Variants in KIF2C observed in about 807,000 individuals in gnomAD.
KIF2C encodes kinesin family member 2C, also known as kinesin-like protein KIF2C.
Under a neutral mutation model 97.4 loss-of-function variants are expected in KIF2C, and 34 were observed. That is an observed-to-expected ratio of 0.35 (90% CI 0.27 to 0.46). The LOEUF (loss-of-function observed/expected upper bound fraction) is 0.46, where lower values mean the gene tolerates loss of function less well. KIF2C is among the 20% of genes least tolerant of loss of function. The pLI is 1.00. For synonymous variants in KIF2C, 313 were observed against 318.2 expected, an observed-to-expected ratio of 0.98 and a Z score of 0.17; for missense variants, 750 against 907.6, an observed-to-expected ratio of 0.83 and a Z score of 2.23.
Position 44,762,368 on chromosome 1 carries a change from A to G in KIF2C, c.1774A>G (p.Ser592Gly), listed in dbSNP as rs753251790. Reference sequence around the variant, plus strand: ...CAGGGTCAAGGAGCTGAGCCCCCACAGTGGGCCCAGTGGAGAGCAGTTGAT... The same window carrying G: ...CAGGGTCAAGGAGCTGAGCCCCCACGGTGGGCCCAGTGGAGAGCAGTTGAT... ...ADRVKELSPH[S>G]GPSGEQLIQM... Residue 592 changes from serine to glycine, a missense_variant, in exon 18 of 21, where the codon AGT (serine) becomes GGT (glycine). Ser to Gly is a moderately conservative substitution (Grantham distance 56). Coordinates refer to ENST00000372224, the MANE Select transcript of KIF2C (RefSeq NM_006845.4). 3 of 1,613,886 alleles carry G rather than the reference A, an allele frequency of 1.9e-6. No individual in the cohort carries two copies. The highest frequency in any genetic ancestry group is 1.7e-6 in the Non-Finnish European group (2 of 1,179,776).
intron 2 of KIF2C, chr1:44,746,435 C>G (rs1450669342): frequency 8.7e-7 from 1 of 1,150,424 alleles, no homozygotes; most frequent in Admixed American, 4.7e-5. Context: ...GTTTCTGGGC[C>G]CAGAAGAAAA....
At chr1:44,754,276 G>A (rs1649697791) in intron 7 of KIF2C, among the ~76,000 whole-genome samples, 1 of 152,040 alleles carries the variant, frequency 6.6e-6, no homozygotes, top group Admixed American at 6.6e-5. Flanking sequence ...AGGATTCAGA[G>A]AACAAATAAT....
intron 13 of KIF2C, chr1:44,758,968 G>C (rs1320784391): frequency 3.8e-6 from 2 of 527,868 alleles, no homozygotes; most frequent in South Asian, 2.1e-5. Context: ...GGCTAGAGTG[G>C]TTATTAACTT....
At chr1:44,744,916 G>A (rs955106261) in intron 2 of KIF2C, among the ~76,000 whole-genome samples, 8 of 151,776 alleles carry the variant, frequency 5.3e-5, no homozygotes, top group South Asian at 2.1e-4. Context: ...AAGGCCGGGC[G>A]TGGTGGCTCA....
intron 2 of KIF2C, among the ~76,000 whole-genome samples, chr1:44,745,375 T>G (rs1012734002): frequency 3.3e-5 from 5 of 151,088 alleles, no homozygotes; most frequent in African/African-American, 1.2e-4. Flanking sequence ...TTTTTTTATT[T>G]AAATCTCATT....
At position 44,743,836 on chromosome 1, in the gene KIF2C, G is replaced by A. The variant is rs531192912; in HGVS notation, c.165+2829G>A. On this transcript the variant is annotated intron_variant, in intron 2 of 20. Transcript: ENST00000372224. Reference sequence around the variant, plus strand: ...GTAAAAAGCTTGCTTAGCATAGTACGTATAGTAGAGATATTTAGGTGGTAT... The same window carrying A: ...GTAAAAAGCTTGCTTAGCATAGTACATATAGTAGAGATATTTAGGTGGTAT... Among the ~76,000 whole-genome samples, 6 of 152,260 alleles carry A rather than the reference G, an allele frequency of 3.9e-5. No individual in the cohort carries two copies. In the South Asian group the frequency reaches 1.0e-3, roughly 26 times the overall value.
chr1:44,763,606 G>A (rs1356592435), intron 19 of KIF2C, among the ~76,000 whole-genome samples: 2 of 152,214 alleles, frequency 1.3e-5, no homozygotes, highest in African/African-American at 4.8e-5. Context: ...AGCCTTTGGA[G>A]GGTGTTAAGC....
At chr1:44,741,850 G>A (rs931789191) in intron 2 of KIF2C, among the ~76,000 whole-genome samples, 20 of 151,762 alleles carry the variant, frequency 1.3e-4, no homozygotes, top group African/African-American at 4.8e-5. Context: ...AACATTAGCC[G>A]GGCATGGTGG....
Position 44,754,834 on chromosome 1 carries a change from A to T in KIF2C, c.748A>T (p.Met250Leu), listed in dbSNP as rs1297917752. Residue 250 changes from methionine (M) to leucine (L), a missense_variant, in exon 8 of 21, where the codon ATG (methionine) becomes TTG (leucine). Physicochemically the swap from Met to Leu is conservative, Grantham distance 15 (BLOSUM62 2). Coordinates refer to ENST00000372224, the MANE Select transcript of KIF2C (RefSeq NM_006845.4). The part of the protein sequence containing the change: ...RATLECHPLT[M>L]TDPIEEHRIC... ...TACTTTGGAATGTCATCCACTTACT[A>T]TGACTGATCCTGTAAGTACATCCAA... 6.3e-7 allele frequency: 1 copy of T among 1,596,682 alleles called. No homozygotes were observed. The highest frequency in any genetic ancestry group is 1.7e-5 in the Admixed American group (1 of 59,992).
In KIF2C at chr1:44,762,320, G is replaced by T. The variant is rs373600625; in HGVS notation, c.1752-26G>T. On this transcript the variant is annotated intron_variant, in intron 17 of 20. Transcript: ENST00000372224. ...GGTGAGTACCAAGGGGGTGCTGTGG[G>T]ATCTGAGACCTCCTTGTTTCCTCAG... The T allele has an allele frequency of 2.5e-6, 4 of 1,584,870 alleles. No individual in the cohort carries two copies. In the African/African-American group the frequency reaches 4.0e-5, roughly 16 times the overall value.
chr1:44,765,944 T>C (rs1045581888), intron 19 of KIF2C, among the ~76,000 whole-genome samples: 6 of 152,068 alleles, frequency 3.9e-5, no homozygotes, highest in Non-Finnish European at 8.8e-5. Flanking sequence ...CCCAGCTACT[T>C]GGGAGGCTGA....
In KIF2C at chr1:44,767,334, G is replaced by A; in HGVS notation, c.*155G>A. ...GGGGCATCTGGGCCCAGGGCAGCTGGGGAGGGGGTCAGAGTGACATGGGAC... is the reference window on the plus strand; with the variant it reads ...GGGGCATCTGGGCCCAGGGCAGCTGAGGAGGGGGTCAGAGTGACATGGGAC... On this transcript the variant is annotated 3_prime_UTR_variant, in exon 21 of 21. Transcript: ENST00000372224. 1 of 622,320 alleles carries A rather than the reference G, an allele frequency of 1.6e-6. No individual in the cohort carries two copies. The highest frequency in any genetic ancestry group is 2.9e-6 in the Non-Finnish European group (1 of 348,386). The allele number at this position is 622,320 out of a possible 1,614,324, so 38.5% of individuals were successfully genotyped here.
chr1:44,750,322 T>A (rs1318995331), intron 4 of KIF2C, 120 bp from the exon 5 acceptor site: 1 of 1,086,204 alleles, frequency 9.2e-7, no homozygotes, highest in Non-Finnish European at 1.2e-6. Context: ...TATGGGAAGT[T>A]GGCGAGCCCC....
rs369693015 is a variant in KIF2C at position 44,760,452 on chromosome 1, G to A, written c.1540G>A (p.Ala514Thr). 3.1e-5 allele frequency: 50 copies of A among 1,614,104 alleles called. No homozygotes were observed. The highest frequency in any genetic ancestry group is 2.8e-4 in the African/African-American group (21 of 75,070). The change falls in exon 15 of 21, where the codon GCA (alanine) becomes ACA (threonine). Residue 514 changes from alanine (A) to threonine (T), a missense_variant. Physicochemically the swap from Ala to Thr is moderately conservative, Grantham distance 58 (BLOSUM62 0). Coordinates refer to ENST00000372224, the MANE Select transcript of KIF2C (RefSeq NM_006845.4). The surrounding 1 kb of genome is among the most constrained non-coding windows in gnomAD (Gnocchi z 4.2). ...SADRQTRMEG[A>T]EINKSLLALK... ...TGACCGGCAGACCCGCATGGAGGGC[G>A]CAGAAATCAACAAGAGTCTCTTAGC...
chr1:44,742,718 CAAAA>C (rs5773851), intron 2 of KIF2C, among the ~76,000 whole-genome samples: 2 of 87,354 alleles, frequency 2.3e-5, no homozygotes, highest in African/African-American at 5.2e-5. Context: ...AACTTCGTCT[CAAAA>C]AAAAAAAAAA....
chr1:44,757,925 C>G lies in KIF2C; in HGVS notation c.1086C>G (p.Leu362=). Residue 362 remains leucine, a synonymous_variant, in exon 12 of 21, where the codon CTC becomes CTG. Transcript: ENST00000372224. ...CTTTGCAGACTATGGGCGGAGACCT[C>G]TCTGGGAAAGCCCAGAATGCATCCA... The part of the protein sequence containing the change: ...SGKTHTMGGD[L]SGKAQNASKG... 1.2e-6 allele frequency: 2 copies of G among 1,614,184 alleles called. No individual in the cohort carries two copies. The highest frequency in any genetic ancestry group is 1.7e-6 in the Non-Finnish European group (2 of 1,180,042).
intron 2 of KIF2C, among the ~76,000 whole-genome samples, chr1:44,745,627 C>A (rs1432491178): frequency 1.3e-5 from 2 of 151,392 alleles, no homozygotes; most frequent in African/African-American, 4.9e-5. Context: ...GCATGCATCA[C>A]ACCTGGCTAA....
intron 2 of KIF2C, among the ~76,000 whole-genome samples, chr1:44,742,718 C>CAAA (rs5773851): frequency 4.6e-5 from 4 of 87,302 alleles, no homozygotes; most frequent in African/African-American, 5.2e-5. Context: ...AACTTCGTCT[C>CAAA]AAAAAAAAAA....
chr1:44,752,638 G>A (rs1001528386), intron 5 of KIF2C, among the ~76,000 whole-genome samples: 1 of 152,204 alleles, frequency 6.6e-6, no homozygotes, highest in Non-Finnish European at 1.5e-5. Flanking sequence ...AATGGGTCAT[G>A]ACCACGTATG....
Sources: gnomAD v4.1 joint callset for allele counts (sites outside exome capture counted in the v4.1 genomes callset) on GRCh38, gnomAD v4.1.1 for gene constraint, Gnocchi (gnomAD v3.1) non-coding constraint, MANE v1.5 for transcripts, NCBI Gene and HGNC (gene_info 2026-07-23, HGNC 2026-07-21) for gene names.